Variants in NAV2 observed in about 807,000 individuals in gnomAD.
NAV2 encodes neuron navigator 2.
NAV2 carries 54 observed loss-of-function variants against 223.2 expected under a neutral mutation model. That is an observed-to-expected ratio of 0.24 (90% CI 0.19 to 0.30). The LOEUF is 0.30. Ranked by LOEUF, NAV2 falls within the 10% of genes least tolerant of loss-of-function variation. The pLI, the probability that NAV2 is intolerant of heterozygous loss-of-function variation, is 1.00. For synonymous variants in NAV2, 1,279 were observed against 1,239.3 expected (o/e 1.03, Z -0.67); for missense variants, 2,806 against 3,147.5 (o/e 0.89, Z 2.60).
chr11:19,620,434 A>C (rs1035624944), intron 1 of NAV2, among the ~76,000 whole-genome samples: 3 of 151,918 alleles, frequency 2.0e-5, no homozygotes, highest in African/African-American at 7.3e-5. Context: ...CTTTTATTTC[A>C]TTGAGCAGTG....
rs140762597 is a variant in NAV2, at chr11:19,771,562, T to C, written c.267+57600T>C. 4.3e-3 allele frequency among the ~76,000 whole-genome samples: 654 copies of C among 151,862 alleles called. 5 individuals carry two copies. Among genetic ancestry groups the C allele is most frequent in the Admixed American group, 0.011 (173 of 15,264 alleles). On this transcript the variant is annotated intron_variant, in intron 1 of 37. Transcript: ENST00000349880. ...GGAGGGGTGATAGGAGACACTACTC[T>C]ACCCAGAAATTCTTGACCCTCATCT...
chr11:19,512,171 G>C (rs2043299291), intron 1 of NAV2, among the ~76,000 whole-genome samples: 1 of 152,084 alleles, frequency 6.6e-6, no homozygotes, highest in African/African-American at 2.4e-5. Flanking sequence ...AGGCTCTGTT[G>C]GGACTCTGAG....
chr11:19,558,711 A>G (rs1258252705), intron 1 of NAV2, among the ~76,000 whole-genome samples: 1 of 152,138 alleles, frequency 6.6e-6, no homozygotes, highest in Non-Finnish European at 1.5e-5. Context: ...ACTTAACCCA[A>G]AACCTGGGGC....
chr11:19,764,751 T>C (rs371026779), intron 1 of NAV2, among the ~76,000 whole-genome samples: 19 of 152,340 alleles, frequency 1.2e-4, no homozygotes, highest in African/African-American at 4.1e-4. Flanking sequence ...ATTTGATGTC[T>C]AATCATCTCA....
At chr11:19,482,564 ATAGAGTCT>A (rs147372741) in intron 1 of NAV2, among the ~76,000 whole-genome samples, 111 of 152,286 alleles carry the variant, frequency 7.3e-4, no homozygotes, top group Middle Eastern at 6.8e-3. Flanking sequence ...ACTGGGGAAG[ATAGAGTCT>A]TAGGGGAGTT....
At chr11:19,969,592 T>TC (rs2049050883) in intron 10 of NAV2, among the ~76,000 whole-genome samples, 1 of 152,176 alleles carries the variant, frequency 6.6e-6, no homozygotes, top group Non-Finnish European at 1.5e-5. Context: ...GGGGTTTTTT[T>TC]CCTATGCATA....
chr11:19,380,900 C>T (rs1163994079), intron 1 of NAV2, among the ~76,000 whole-genome samples: 2 of 152,170 alleles, frequency 1.3e-5, no homozygotes, highest in Non-Finnish European at 2.9e-5. Flanking sequence ...TCTGGGCAAA[C>T]CAGGCTGAGC....
At chr11:19,387,239 G>A (rs569062585) in intron 1 of NAV2, among the ~76,000 whole-genome samples, 1 of 152,194 alleles carries the variant, frequency 6.6e-6, no homozygotes, top group African/African-American at 2.4e-5. Context: ...CAATCAGCTA[G>A]GTGCTCAGGG....
intron 1 of NAV2, among the ~76,000 whole-genome samples, chr11:19,802,598 ATAG>A (rs1459463049): frequency 6.6e-6 from 1 of 151,938 alleles, no homozygotes; most frequent in African/African-American, 2.4e-5. Flanking sequence ...TTGGTTAAGA[ATAG>A]TACATCACCA....
In NAV2 at chr11:19,568,307, T is replaced by C. The variant is rs185949346; in HGVS notation, c.75+217280T>C. On this transcript the variant is annotated intron_variant, in intron 1 of 37. Coordinates refer to the NAV2 transcript ENST00000360655. ...CAAGGATGCCCAGTAAAAATAGTTTTTGTAGAAATGAGCTCCAGTACTGAG... is the reference window on the plus strand; with the variant it reads ...CAAGGATGCCCAGTAAAAATAGTTTCTGTAGAAATGAGCTCCAGTACTGAG... Among the ~76,000 whole-genome samples the C allele has an allele frequency of 6.6e-5, 10 of 152,282 alleles. No individual in the cohort carries two copies. In the East Asian group the frequency reaches 1.2e-3, roughly 18 times the overall value.
intron 1 of NAV2, among the ~76,000 whole-genome samples, chr11:19,577,670 G>A (rs917197756): frequency 2.6e-5 from 4 of 152,204 alleles, no homozygotes; most frequent in Non-Finnish European, 5.9e-5. Context: ...TTCCTGGCAT[G>A]GGGTGAGCAG....
intron 1 of NAV2, among the ~76,000 whole-genome samples, chr11:19,718,870 T>C (rs1306458698): frequency 5.3e-5 from 8 of 152,122 alleles, no homozygotes; most frequent in Non-Finnish European, 1.2e-4. Flanking sequence ...AACACAAATA[T>C]ATACACATGG....
intron 1 of NAV2, among the ~76,000 whole-genome samples, chr11:19,606,031 C>T (rs2046469029): frequency 6.6e-6 from 1 of 152,194 alleles, no homozygotes; most frequent in African/African-American, 2.4e-5. Flanking sequence ...GCATTCAAGA[C>T]TGGTTTTGAA....
chr11:19,513,447 G>A lies in NAV2; in HGVS notation c.75+162420G>A, dbSNP rs182527024. ...GTGGCTGCCACACTCCTTTCATTGTGCATCAGCAGCAGGGCATCTCTGTGG... is the reference window on the plus strand; with the variant it reads ...GTGGCTGCCACACTCCTTTCATTGTACATCAGCAGCAGGGCATCTCTGTGG... On this transcript the variant is annotated intron_variant, in intron 1 of 37. Coordinates refer to the NAV2 transcript ENST00000360655. 2.2e-3 allele frequency among the ~76,000 whole-genome samples: 335 copies of A among 152,290 alleles called. 3 individuals are homozygous for A. The highest frequency in any genetic ancestry group is 7.5e-3 in the African/African-American group (311 of 41,560).
intron 10 of NAV2, among the ~76,000 whole-genome samples, chr11:19,962,096 A>G (rs2048391361): frequency 6.6e-6 from 1 of 151,514 alleles, no homozygotes; most frequent in South Asian, 2.1e-4. Context: ...TCGAGCTGCA[A>G]CATCAACTCC....
chr11:19,655,052 A>T (rs574463239), intron 1 of NAV2, among the ~76,000 whole-genome samples: 1 of 152,236 alleles, frequency 6.6e-6, no homozygotes, highest in Admixed American at 6.5e-5. Context: ...CCACAAAAAA[A>T]CAAACAACCC....
intron 1 of NAV2, among the ~76,000 whole-genome samples, chr11:19,827,665 C>T (rs989746139): frequency 9.9e-5 from 15 of 152,114 alleles, no homozygotes; most frequent in Non-Finnish European, 7.4e-5. Flanking sequence ...GATGATAAGG[C>T]TGCCTTGACT....
At chr11:19,475,044 G>A (rs2042074300) in intron 1 of NAV2, among the ~76,000 whole-genome samples, 1 of 152,228 alleles carries the variant, frequency 6.6e-6, no homozygotes, top group African/African-American at 2.4e-5. Context: ...CAGCTGCTTA[G>A]ACAACTTTCC....
intron 32 of NAV2, among the ~76,000 whole-genome samples, chr11:20,102,357 C>T (rs2061699798): frequency 6.6e-6 from 1 of 152,172 alleles, no homozygotes; most frequent in Non-Finnish European, 1.5e-5. Context: ...AGCAGGCTAG[C>T]ATCTAAGACA....
Sources: allele counts gnomAD v4.1 joint callset (sites outside exome capture counted in the v4.1 genomes callset), GRCh38; gene constraint gnomAD v4.1.1; transcripts MANE v1.5; gene names NCBI Gene and HGNC (gene_info 2026-07-23, HGNC 2026-07-21).